ATP10B: variants seen among roughly 807,000 people sequenced by gnomAD.
ATP10B encodes the protein phospholipid-transporting ATPase VB.
ATP10B carries 122 observed loss-of-function variants against 141.2 expected under a neutral mutation model. The ratio of observed to expected loss-of-function variants is 0.86; its 90% CI spans 0.75 to 1.00. The LOEUF (loss-of-function observed/expected upper bound fraction) is 1.00, where lower values mean the gene tolerates loss of function less well. Ranked by LOEUF, ATP10B falls within the 50% of genes least tolerant of loss-of-function variation. The pLI, the probability that ATP10B is intolerant of heterozygous loss-of-function variation, is 0.00. For missense variants in ATP10B, 1,876 were observed against 1,825.3 expected (o/e 1.03, Z -0.51); for synonymous variants, 685 against 692.0 (o/e 0.99, Z 0.16).
intron 2 of ATP10B, among the ~76,000 whole-genome samples, chr5:160,755,822 AAAAAAAAAAAAAAAAAATAT>A (rs1366195318): frequency 1.9e-4 from 11 of 56,608 alleles, no homozygotes; most frequent in Admixed American, 1.1e-3. Flanking sequence ...CTCAAAAAAA[AAAAAAAAAAAAAAAAAATAT>A]ATATATATAT....
intron 2 of ATP10B, among the ~76,000 whole-genome samples, chr5:160,725,236 T>C (rs1391694485): frequency 6.6e-6 from 1 of 152,196 alleles, no homozygotes; most frequent in Non-Finnish European, 1.5e-5. Context: ...GAGATGGCAG[T>C]CATAAAAATA....
At chr5:160,735,103 A>C (rs1162756230) in intron 2 of ATP10B, among the ~76,000 whole-genome samples, 2 of 151,526 alleles carry the variant, frequency 1.3e-5, no homozygotes, top group Non-Finnish European at 3.0e-5. Flanking sequence ...GATTAAAAAA[A>C]AAAAAAACAC....
intron 1 of ATP10B, among the ~76,000 whole-genome samples, chr5:160,791,806 G>T (rs1771591151): frequency 6.6e-6 from 1 of 152,136 alleles, no homozygotes; most frequent in Admixed American, 6.6e-5. Flanking sequence ...TCAACTAAAA[G>T]TTAGGATTCT....
At chr5:160,811,899 C>T (rs569104844) in intron 1 of ATP10B, among the ~76,000 whole-genome samples, 1 of 152,236 alleles carries the variant, frequency 6.6e-6, no homozygotes, top group African/African-American at 2.4e-5. Flanking sequence ...AGACCCACTG[C>T]TGTGCTGGCT....
chr5:160,611,393 C>A (rs192424283), intron 18 of ATP10B, among the ~76,000 whole-genome samples: 6 of 152,080 alleles, frequency 3.9e-5, no homozygotes, highest in East Asian at 1.9e-4. Flanking sequence ...CATTGCAAAC[C>A]GAATTTCCAT....
intron 2 of ATP10B, among the ~76,000 whole-genome samples, chr5:160,762,956 A>T (rs1309685845): frequency 6.6e-6 from 1 of 152,182 alleles, no homozygotes; most frequent in Non-Finnish European, 1.5e-5. Context: ...ACAACAGCTA[A>T]AAAAGGCAAA....
At chr5:160,877,178 TA>T in the ATP10B span, among the ~76,000 whole-genome samples, 1 of 152,092 alleles carries the variant, frequency 6.6e-6, no homozygotes, top group Non-Finnish European at 1.5e-5. Context: ...TCAAAAAGCT[TA>T]TCCACCATGA....
intron 2 of ATP10B, among the ~76,000 whole-genome samples, chr5:160,756,578 G>T (rs1195975805): frequency 1.3e-5 from 2 of 152,134 alleles, no homozygotes; most frequent in Non-Finnish European, 2.9e-5. Context: ...GGGTTGTAGT[G>T]ATATTTCATT....
the ATP10B span, among the ~76,000 whole-genome samples, chr5:160,924,279 T>C: frequency 6.6e-6 from 1 of 152,162 alleles, no homozygotes; most frequent in Admixed American, 6.6e-5. Flanking sequence ...TCACACAGGG[T>C]TGGGGTTAGG....
chr5:160,636,194 G>A lies in ATP10B; in HGVS notation c.1116C>T (p.Ile372=), dbSNP rs372404384. ...GAGGGCTTCCTACCTGGAGCAGGATGATCATTGTGAGGAACATGTAGAAGC... is the reference window on the plus strand; with the variant it reads ...GAGGGCTTCCTACCTGGAGCAGGATAATCATTGTGAGGAACATGTAGAAGC... ...LGGFYMFLTM[I]ILLQVLIPIS... is the part of the protein sequence containing the mutation. The change falls in exon 11 of 26, where the codon ATC becomes ATT. Residue 372 remains isoleucine (I), a synonymous_variant. Coordinates refer to ENST00000327245, the MANE Select transcript of ATP10B (RefSeq NM_025153.3). 4 of 1,609,448 alleles carry A rather than the reference G, an allele frequency of 2.5e-6. No individual in the cohort carries two copies. Among genetic ancestry groups the A allele is most frequent in the Non-Finnish European group, 3.4e-6 (4 of 1,177,950 alleles).
At chr5:160,890,149 G>A in the ATP10B span, among the ~76,000 whole-genome samples, 1 of 152,206 alleles carries the variant, frequency 6.6e-6, no homozygotes, top group Admixed American at 6.5e-5. Context: ...CATGAAGGCA[G>A]AGACCATGTA....
At chr5:160,623,824 C>T (rs1758480177) in intron 13 of ATP10B, among the ~76,000 whole-genome samples, 1 of 152,124 alleles carries the variant, frequency 6.6e-6, no homozygotes, top group African/African-American at 2.4e-5. Flanking sequence ...TGTCTATCTC[C>T]CTGCTGGCAT....
At chr5:160,655,865 T>C (rs1038918904) in intron 7 of ATP10B, among the ~76,000 whole-genome samples, 1 of 152,136 alleles carries the variant, frequency 6.6e-6, no homozygotes, top group African/African-American at 2.4e-5. Context: ...AATCAGTGAT[T>C]GCAGCCATAA....
chr5:160,775,683 T>TTG (rs1399183717), intron 2 of ATP10B, among the ~76,000 whole-genome samples: 2 of 147,524 alleles, frequency 1.4e-5, no homozygotes, highest in African/African-American at 5.0e-5. Context: ...CAGATTTTTT[T>TTG]TTTTTTTTTT....
chr5:160,603,897 C>T (rs961172003), intron 20 of ATP10B, 68 bp downstream of exon 20: 2 of 1,417,532 alleles, frequency 1.4e-6, no homozygotes, highest in African/African-American at 1.4e-5. Context: ...GTTTCTCCAA[C>T]ACTCTGGATA....
At chr5:160,893,955 G>A in the ATP10B span, among the ~76,000 whole-genome samples, 5 of 152,148 alleles carry the variant, frequency 3.3e-5, no homozygotes, top group African/African-American at 1.2e-4. Flanking sequence ...AGAGGGGGCT[G>A]ACTCTTAGAA....
At chr5:160,772,008 G>A (rs572938342) in intron 2 of ATP10B, among the ~76,000 whole-genome samples, 1 of 152,274 alleles carries the variant, frequency 6.6e-6, no homozygotes, top group African/African-American at 2.4e-5. Flanking sequence ...TCCTGCAAGA[G>A]AGATTTGAAG....
At chr5:160,707,442 T>G (rs1211729818) in intron 3 of ATP10B, among the ~76,000 whole-genome samples, 3 of 152,220 alleles carry the variant, frequency 2.0e-5, no homozygotes, top group African/African-American at 7.2e-5. Flanking sequence ...CTTGCTCCAT[T>G]TGAGATGCTG....
At chr5:160,748,817 A>C (rs1308557105) in intron 2 of ATP10B, among the ~76,000 whole-genome samples, 1 of 152,252 alleles carries the variant, frequency 6.6e-6, no homozygotes, top group Non-Finnish European at 1.5e-5. Context: ...GGGTGGGCTA[A>C]GCATCTGGGG....
Sources: gnomAD v4.1 joint callset for allele counts (sites outside exome capture counted in the v4.1 genomes callset) on GRCh38, gnomAD v4.1.1 for gene constraint, MANE v1.5 for transcripts, NCBI Gene and HGNC (gene_info 2026-07-23, HGNC 2026-07-21) for gene names.